The following MTHFD1L variants were observed in gnomAD, a reference collection of about 807,000 sequenced individuals.
The protein encoded by MTHFD1L is monofunctional C1-tetrahydrofolate synthase, mitochondrial.
MTHFD1L carries 81 observed loss-of-function variants against 119.5 expected under a neutral mutation model. The observed-to-expected ratio is 0.68, with a 90% CI of 0.57 to 0.82. MTHFD1L has a LOEUF of 0.82. Among genes scored for constraint, MTHFD1L ranks in the 40% least tolerant of loss-of-function variants. The pLI, the probability that MTHFD1L is intolerant of heterozygous loss-of-function variation, is 0.00. For missense variants in MTHFD1L, 1,125 were observed against 1,253.4 expected (o/e 0.90, Z 1.55); for synonymous variants, 430 against 475.2 (o/e 0.90, Z 1.24).
Position 151,015,711 on chromosome 6 carries a change from CA to C in MTHFD1L, c.2586+20del. 3 of 1,609,922 alleles carry C rather than the reference CA, an allele frequency of 1.9e-6. No homozygotes were observed. Among genetic ancestry groups the C allele is most frequent in the Non-Finnish European group, 2.5e-6 (3 of 1,178,078 alleles). On this transcript the variant is annotated intron_variant, in intron 24 of 27. Coordinates refer to ENST00000367321, the MANE Select transcript of MTHFD1L (RefSeq NM_015440.5). ...ATGTTCAGGTAAGATCTAGTAAAAA[CA>C]ATGGCTCACATTTCTTACACCTTAG...
intron 20 of MTHFD1L, among the ~76,000 whole-genome samples, chr6:150,993,851 T>G (rs1779374898): frequency 1.3e-5 from 2 of 151,998 alleles, no homozygotes; most frequent in African/African-American, 4.8e-5. Context: ...TCAGCAAAAC[T>G]TTAAGCAAGT....
intron 26 of MTHFD1L, among the ~76,000 whole-genome samples, chr6:151,081,007 G>A (rs1261461301): frequency 6.6e-6 from 1 of 152,168 alleles, no homozygotes; most frequent in African/African-American, 2.4e-5. Context: ...GTCTCCAAAT[G>A]TAGTCGTATT....
At chr6:151,077,385 G>A (rs751489804) in intron 26 of MTHFD1L, among the ~76,000 whole-genome samples, 4 of 152,248 alleles carry the variant, frequency 2.6e-5, no homozygotes, top group Non-Finnish European at 4.4e-5. Context: ...GCTCACGCCT[G>A]TAATCCCAGC....
At chr6:151,051,210 C>T (rs933290248) in intron 26 of MTHFD1L, among the ~76,000 whole-genome samples, 1 of 152,200 alleles carries the variant, frequency 6.6e-6, no homozygotes, top group Non-Finnish European at 1.5e-5. Context: ...TTTAGGAAAC[C>T]TGTGACTGGA....
chr6:150,986,397 C>T (rs1348694245), intron 20 of MTHFD1L, among the ~76,000 whole-genome samples: 1 of 152,204 alleles, frequency 6.6e-6, no homozygotes, highest in African/African-American at 2.4e-5. Context: ...CCAAGACCTA[C>T]ATCTGTATGT....
At chr6:150,904,647 G>A (rs1382255188) in intron 7 of MTHFD1L, among the ~76,000 whole-genome samples, 1 of 152,166 alleles carries the variant, frequency 6.6e-6, no homozygotes, top group African/African-American at 2.4e-5. Context: ...GAAATCATCA[G>A]TTGCTCAGTA....
intron 8 of MTHFD1L, among the ~76,000 whole-genome samples, chr6:150,907,366 A>G (rs902481731): frequency 6.6e-6 from 1 of 152,196 alleles, no homozygotes; most frequent in Non-Finnish European, 1.5e-5. Context: ...CAATGTAATG[A>G]TTCTCTGGGG....
At chr6:151,089,356 C>A (rs1379542993) in intron 26 of MTHFD1L, among the ~76,000 whole-genome samples, 1 of 152,216 alleles carries the variant, frequency 6.6e-6, no homozygotes, top group Non-Finnish European at 1.5e-5. Context: ...AATCCCAGCA[C>A]TTTGGGAGGC....
intron 7 of MTHFD1L, among the ~76,000 whole-genome samples, chr6:150,893,450 G>T (rs1783681451): frequency 6.6e-6 from 1 of 151,528 alleles, no homozygotes; most frequent in African/African-American, 2.4e-5. Context: ...TCTCCTTATT[G>T]GCAATGGTAA....
chr6:151,004,797 G>A (rs973445130), intron 20 of MTHFD1L, among the ~76,000 whole-genome samples: 5 of 152,192 alleles, frequency 3.3e-5, no homozygotes, highest in African/African-American at 1.2e-4. Context: ...ATTAGTCAGC[G>A]TTTCCTGTTT....
At chr6:150,916,363 G>A (rs1000699797) in intron 8 of MTHFD1L, among the ~76,000 whole-genome samples, 1 of 130,972 alleles carries the variant, frequency 7.6e-6, no homozygotes, top group African/African-American at 2.9e-5. Flanking sequence ...AGTGAGTGGT[G>A]TGATCTCGGC....
At position 150,887,863 on chromosome 6, in the gene MTHFD1L, A is replaced by T; in HGVS notation, c.662A>T (p.Lys221Met). ...TTAGTAGGTGTCAACCTAGATGGAA[A>T]GAAGATTTTGGTAGTGGGGGCCCAT... ...LEKSGVNLDG[K>M]KILVVGAHGS... Residue 221 changes from lysine to methionine, a missense_variant, in exon 7 of 28, where the codon AAG becomes ATG. Coordinates refer to ENST00000367321, the MANE Select transcript of MTHFD1L (RefSeq NM_015440.5). 6.2e-7 allele frequency: 1 copy of T among 1,602,778 alleles called. No homozygotes were observed. Among genetic ancestry groups the T allele is most frequent in the Non-Finnish European group, 8.5e-7 (1 of 1,176,006 alleles).
intron 18 of MTHFD1L, 94 bp downstream of exon 18, chr6:150,960,509 G>T: frequency 3.4e-6 from 5 of 1,450,228 alleles, no homozygotes; most frequent in African/African-American, 1.4e-5. Flanking sequence ...ATCAGTGAGT[G>T]TAATGAGGAT....
intron 20 of MTHFD1L, among the ~76,000 whole-genome samples, chr6:150,982,348 A>C (rs1011588480): frequency 6.6e-6 from 1 of 152,104 alleles, no homozygotes; most frequent in Non-Finnish European, 1.5e-5. Flanking sequence ...ACAGTTTTGC[A>C]TTTCTCTATG....
intron 24 of MTHFD1L, among the ~76,000 whole-genome samples, chr6:151,029,308 C>T (rs1016193388): frequency 7.9e-5 from 12 of 151,778 alleles, no homozygotes; most frequent in Non-Finnish European, 1.6e-4. Flanking sequence ...GTAATCCCAG[C>T]TGTTCGGGAG....
In MTHFD1L at chr6:150,905,639, T is replaced by C. The variant is rs1263521413; in HGVS notation, c.781-11T>C. 3 of 1,610,144 alleles carry C rather than the reference T, an allele frequency of 1.9e-6. No individual in the cohort carries two copies. Among genetic ancestry groups the C allele is most frequent in the Non-Finnish European group, 2.5e-6 (3 of 1,176,590 alleles). ...ATCAAGATGTGCGTGTTTTTTTCTT[T>C]CTCCTTTTAGCTTCACGAGGCTGAC... On this transcript the variant is annotated splice_polypyrimidine_tract_variant and intron_variant, in intron 7 of 27. Transcript: ENST00000367321.
chr6:150,910,379 C>T (rs1408580989), intron 8 of MTHFD1L, among the ~76,000 whole-genome samples: 6 of 151,016 alleles, frequency 4.0e-5, no homozygotes, highest in Admixed American at 1.3e-4. Flanking sequence ...GCCTGACCAA[C>T]GTGGAGAAAC....
intron 11 of MTHFD1L, among the ~76,000 whole-genome samples, chr6:150,927,235 C>T (rs1414316483): frequency 6.6e-6 from 1 of 151,954 alleles, no homozygotes; most frequent in Admixed American, 6.6e-5. Flanking sequence ...AAAAGTAAAA[C>T]ATCCCAAACC....
intron 25 of MTHFD1L, among the ~76,000 whole-genome samples, chr6:151,036,060 TAA>T (rs2075297416): frequency 6.6e-6 from 1 of 152,210 alleles, no homozygotes; most frequent in Non-Finnish European, 1.5e-5. Context: ...AGTTTTAGGC[TAA>T]GTCTTATGAA....
Sources: gnomAD v4.1 joint callset for allele counts (sites outside exome capture counted in the v4.1 genomes callset) on GRCh38, gnomAD v4.1.1 for gene constraint, MANE v1.5 for transcripts, NCBI Gene and HGNC (gene_info 2026-07-23, HGNC 2026-07-21) for gene names.